Variants in RIOK1 observed in about 807,000 individuals in gnomAD.
RIOK1 encodes the protein RIO kinase 1.
In RIOK1, 66 loss-of-function variants were observed where a neutral mutation model predicts 73.5. The ratio of observed to expected loss-of-function variants is 0.90; its 90% CI spans 0.74 to 1.10. The LOEUF (loss-of-function observed/expected upper bound fraction) is 1.10. Among genes scored for constraint, RIOK1 ranks in the 50% least tolerant of loss-of-function variants. The pLI is 0.00. For missense variants in RIOK1, 658 were observed against 699.8 expected (o/e 0.94, Z 0.67); for synonymous variants, 224 against 226.8 (o/e 0.99, Z 0.11).
At position 7,395,051 on chromosome 6, in the gene RIOK1, A is replaced by G; in HGVS notation, c.277-2A>G. 6.2e-7 allele frequency: 1 copy of G among 1,613,866 alleles called. No homozygotes were observed. The highest frequency in any genetic ancestry group is 2.2e-5 in the East Asian group (1 of 44,870). On this transcript the variant is annotated splice_acceptor_variant, in intron 2 of 16. Transcript: ENST00000379834. LOFTEE classifies it high-confidence loss of function. ...GCCTTAGACTCTGGAATTCCCTTCT[A>G]GGCAAATCGACAGACCTCCGACAGC... is the stretch of plus-strand genomic sequence containing the variant.
intron 10 of RIOK1, 33 bp from the exon 11 acceptor site, chr6:7,404,885 C>A: frequency 6.5e-7 from 1 of 1,529,546 alleles, no homozygotes; most frequent in Non-Finnish European, 9.1e-7. Context: ...TAAAGTAATA[C>A]CATCCCACAG....
Position 7,417,783 on chromosome 6 carries a change from A to G in RIOK1, c.*342A>G, listed in dbSNP as rs541794298. 3.9e-4 allele frequency: 61 copies of G among 156,924 alleles called. 1 individual carries two copies. The highest frequency in any genetic ancestry group is 8.2e-4 in the Non-Finnish European group (58 of 71,014). The allele number at this position is 156,924 out of a possible 1,614,324, so 9.7% of individuals were successfully genotyped here. The stretch of plus-strand genomic sequence containing the variant: ...TGTAGTCAACATCTGTAACTCTTAC[A>G]TGAGTGTCCAGAGGCACTCATGGGA... On this transcript the variant is annotated 3_prime_UTR_variant, in exon 17 of 17. Coordinates refer to ENST00000379834, the MANE Select transcript of RIOK1 (RefSeq NM_031480.3).
chr6:7,404,366 G>A, intron 9 of RIOK1, 52 bp from the exon 10 acceptor site: 2 of 1,603,876 alleles, frequency 1.2e-6, no homozygotes, highest in Non-Finnish European at 8.5e-7. Flanking sequence ...AGTATAGTAA[G>A]AAGCAAGAAA....
chr6:7,398,133 C>G (rs921097139), intron 4 of RIOK1, among the ~76,000 whole-genome samples: 1 of 152,168 alleles, frequency 6.6e-6, no homozygotes, highest in African/African-American at 2.4e-5. Flanking sequence ...CAGAGCGAGA[C>G]TCCATCTCAA....
rs775572875 is a variant in RIOK1, at chr6:7,412,901, A to G, written c.1402A>G (p.Thr468Ala). 3.9e-6 allele frequency: 6 copies of G among 1,545,158 alleles called. No homozygotes were observed. The Admixed American group carries it at 1.1e-4, about 28-fold the overall frequency. Residue 468 changes from threonine to alanine, a missense_variant, in exon 15 of 17, where the codon ACT (threonine) becomes GCT (alanine). Transcript: ENST00000379834. Reference sequence around the variant, plus strand: ...TTTTGGTTATAAGATTCTATACCAGACTGTTACAGGATTGAAGAAAGATTT... The same window carrying G: ...TTTTGGTTATAAGATTCTATACCAGGCTGTTACAGGATTGAAGAAAGATTT... ...NAQQDNILYQ[T>A]VTGLKKDLSG...
intron 1 of RIOK1, 73 bp downstream of exon 1, chr6:7,390,146 T>C: frequency 7.7e-7 from 1 of 1,300,264 alleles, no homozygotes; most frequent in Non-Finnish European, 1.1e-6. Flanking sequence ...TGTGGACTCT[T>C]GTTTGCGGTT....
chr6:7,401,126 C>T (rs1284004188), intron 6 of RIOK1, 76 bp downstream of exon 6: 2 of 905,290 alleles, frequency 2.2e-6, no homozygotes, highest in African/African-American at 1.7e-5. Flanking sequence ...CTTAGAACTA[C>T]ATTATGCCTT....
chr6:7,415,265 T>C (rs1761972001), intron 16 of RIOK1, among the ~76,000 whole-genome samples: 1 of 152,108 alleles, frequency 6.6e-6, no homozygotes, highest in South Asian at 2.1e-4. Context: ...TATTAAAACA[T>C]TGGTGATGAG....
chr6:7,397,944 A>G (rs1761514132), intron 4 of RIOK1, among the ~76,000 whole-genome samples: 1 of 152,216 alleles, frequency 6.6e-6, no homozygotes, highest in Non-Finnish European at 1.5e-5. Flanking sequence ...GATCGAGACC[A>G]TCTTGGCTAA....
At chr6:7,398,671 C>T in intron 4 of RIOK1, 27 bp from the exon 5 acceptor site, 2 of 1,598,466 alleles carry the variant, frequency 1.3e-6, no homozygotes, top group Non-Finnish European at 1.7e-6. Context: ...TTGAATGTGT[C>T]AACTATACGT....
intron 3 of RIOK1, 71 bp downstream of exon 3, chr6:7,395,214 A>T: frequency 6.6e-7 from 1 of 1,515,228 alleles, no homozygotes; most frequent in Non-Finnish European, 9.0e-7. Context: ...GTATAATTTT[A>T]TTAGATCAAG....
intron 1 of RIOK1, among the ~76,000 whole-genome samples, chr6:7,392,089 A>G (rs1761355600): frequency 6.6e-6 from 1 of 152,038 alleles, no homozygotes; most frequent in Non-Finnish European, 1.5e-5. Flanking sequence ...TCCTCTGTTG[A>G]ATTTGGCCTG....
chr6:7,417,503 G>A lies in RIOK1; in HGVS notation c.*62G>A. 2.9e-6 allele frequency: 3 copies of A among 1,025,400 alleles called. No homozygotes were observed. Among genetic ancestry groups the A allele is most frequent in the Non-Finnish European group, 4.3e-6 (3 of 703,496 alleles). 63.5% of individuals were successfully genotyped at this position (1,025,400 alleles called of 1,614,324 possible). A position where few individuals can be genotyped will look rare whatever the true frequency, so the allele number is the denominator to read the frequency against. ...TTCCTTTTCTCGCCTGAACTCTTAA[G>A]CTGCATCTGGAAGATGGCTTATTGG... On this transcript the variant is annotated 3_prime_UTR_variant, in exon 17 of 17. Coordinates refer to ENST00000379834, the MANE Select transcript of RIOK1 (RefSeq NM_031480.3).
At chr6:7,414,895 G>A (rs1761961718) in intron 16 of RIOK1, among the ~76,000 whole-genome samples, 1 of 152,160 alleles carries the variant, frequency 6.6e-6, no homozygotes, top group Non-Finnish European at 1.5e-5. Context: ...AATTCATGCT[G>A]TCCTCCTCCA....
At chr6:7,397,566 A>G (rs1392722862) in intron 4 of RIOK1, among the ~76,000 whole-genome samples, 2 of 152,200 alleles carry the variant, frequency 1.3e-5, no homozygotes, top group East Asian at 3.8e-4. Flanking sequence ...TATGCTAATA[A>G]CTCTAAAGTA....
rs1164733651 is a variant in RIOK1 at position 7,400,940 on chromosome 6, T to G, written c.481-18T>G. ...GTACCGTCTTTTGGAACTTTTTAAT[T>G]TTTGCATTTCTTTTTAGGTGTTGGA... On this transcript the variant is annotated intron_variant, in intron 5 of 16. Transcript: ENST00000379834. 1 of 1,532,870 alleles carries G rather than the reference T, an allele frequency of 6.5e-7. No homozygotes were observed. The highest frequency in any genetic ancestry group is 8.9e-7 in the Non-Finnish European group (1 of 1,117,412). The allele number at this position is 1,532,870 out of a possible 1,614,324, so 95.0% of individuals were successfully genotyped here. A position where few individuals can be genotyped will look rare whatever the true frequency, so the allele number is the denominator to read the frequency against.
intron 12 of RIOK1, among the ~76,000 whole-genome samples, chr6:7,407,264 A>G (rs1761769929): frequency 6.6e-6 from 1 of 152,198 alleles, no homozygotes; most frequent in African/African-American, 2.4e-5. Context: ...ACAATGCACA[A>G]GGGTTTTAAT....
chr6:7,400,857 T>TACATAA, intron 5 of RIOK1, 101 bp from the exon 6 acceptor site: 1 of 678,206 alleles, frequency 1.5e-6, no homozygotes, highest in South Asian at 1.8e-5. Context: ...CAGGATAGCG[T>TACATAA]CGTACAGTTA....
At chr6:7,414,132 T>C (rs977027430) in intron 15 of RIOK1, 106 bp from the exon 16 acceptor site, 4 of 978,826 alleles carry the variant, frequency 4.1e-6, no homozygotes, top group Non-Finnish European at 6.0e-6. Context: ...TTTTAACATA[T>C]ATTTGCGAGC....
Sources: gnomAD v4.1 joint callset for allele counts (sites outside exome capture counted in the v4.1 genomes callset) on GRCh38, gnomAD v4.1.1 for gene constraint, MANE v1.5 for transcripts, NCBI Gene and HGNC (gene_info 2026-07-23, HGNC 2026-07-21) for gene names.